FAM117A: variants seen among roughly 807,000 people sequenced by gnomAD.
FAM117A encodes the protein protein FAM117A.
FAM117A carries 21 observed loss-of-function variants against 44.1 expected under a neutral mutation model. That is an observed-to-expected ratio of 0.48 (90% confidence interval 0.34 to 0.69). The LOEUF (loss-of-function observed/expected upper bound fraction) is 0.69, where lower values mean the gene tolerates loss of function less well. Ranked by LOEUF, FAM117A falls within the 30% of genes least tolerant of loss-of-function variation. The probability of loss-of-function intolerance (pLI) is 0.01; values close to 1 mark genes in which losing one functional copy is unlikely to be tolerated. For synonymous variants in FAM117A, 220 were observed against 238.3 expected (o/e 0.92, Z 0.71); for missense variants, 498 against 589.9 (o/e 0.84, Z 1.61).
intron 7 of FAM117A, among the ~76,000 whole-genome samples, chr17:49,715,710 T>TA (rs1417105988): frequency 1.3e-5 from 2 of 152,174 alleles, no homozygotes; most frequent in African/African-American, 4.8e-5. Context: ...CTCAAACTGT[T>TA]AAGCTGTTTA....
At chr17:49,713,377 A>C (rs562443270) in intron 7 of FAM117A, among the ~76,000 whole-genome samples, 73 of 152,334 alleles carry the variant, frequency 4.8e-4, no homozygotes, top group Non-Finnish European at 9.1e-4. Flanking sequence ...TGAGAAGACA[A>C]AGGTATGGGA....
chr17:49,733,489 A>G (rs1248732933), intron 1 of FAM117A, among the ~76,000 whole-genome samples: 1 of 151,780 alleles, frequency 6.6e-6, no homozygotes, highest in Non-Finnish European at 1.5e-5. Context: ...CCTGGCTAAC[A>G]TGGTGAAACC....
intron 1 of FAM117A, among the ~76,000 whole-genome samples, chr17:49,786,390 C>G (rs943501205): frequency 6.6e-6 from 1 of 152,180 alleles, no homozygotes; most frequent in African/African-American, 2.4e-5. Context: ...CATCTCTGAG[C>G]GCTATACATT....
At chr17:49,765,039 A>G (rs1316618435), upstream of FAM117A, among the ~76,000 whole-genome samples, 14 of 152,234 alleles carry the variant, frequency 9.2e-5, no homozygotes, top group Admixed American at 9.2e-4. Context: ...TCTCTGACTT[A>G]CAAGTCAGAA....
At chr17:49,763,805 A>C (rs1598035187) in intron 1 of FAM117A, 87 bp downstream of exon 1, 10 of 304,644 alleles carry the variant, frequency 3.3e-5, no homozygotes, top group African/African-American at 1.8e-4. Flanking sequence ...CTTTCCCCTC[A>C]CACTTCTCCC....
intron 5 of FAM117A, 108 bp downstream of exon 5, chr17:49,719,652 G>A (rs2073523746): frequency 7.6e-7 from 1 of 1,316,854 alleles, no homozygotes; most frequent in African/African-American, 1.5e-5. Context: ...GCTGCTGTTT[G>A]CGTAGCCATA....
intron 1 of FAM117A, among the ~76,000 whole-genome samples, chr17:49,747,736 C>T (rs1388130311): frequency 2.6e-5 from 4 of 152,246 alleles, no homozygotes; most frequent in Admixed American, 6.6e-5. Flanking sequence ...GTTCCCTGCC[C>T]GGGCCCTGAT....
At chr17:49,777,062 T>G (rs998639407) in intron 1 of FAM117A, among the ~76,000 whole-genome samples, 1 of 152,226 alleles carries the variant, frequency 6.6e-6, no homozygotes, top group Non-Finnish European at 1.5e-5. Context: ...CTGCATCGCC[T>G]GCCCAGCCTG....
At chr17:49,738,734 T>C (rs538583056) in intron 1 of FAM117A, among the ~76,000 whole-genome samples, 1 of 152,232 alleles carries the variant, frequency 6.6e-6, no homozygotes, top group African/African-American at 2.4e-5. Flanking sequence ...ATTCTTGGCA[T>C]GTCCCAGCTC....
intron 1 of FAM117A, among the ~76,000 whole-genome samples, chr17:49,749,438 A>G (rs940400129): frequency 2.0e-5 from 3 of 151,702 alleles, no homozygotes; most frequent in East Asian, 1.9e-4. Flanking sequence ...TTAGCCGGGC[A>G]TGGTGGCACG....
At chr17:49,750,740 C>A (rs897659138) in intron 1 of FAM117A, among the ~76,000 whole-genome samples, 2 of 152,128 alleles carry the variant, frequency 1.3e-5, no homozygotes, top group Non-Finnish European at 2.9e-5. Context: ...TGTGCCACTG[C>A]ACTCCAGCCT....
At chr17:49,788,051 T>C (rs1030299100) in intron 1 of FAM117A, among the ~76,000 whole-genome samples, 1 of 152,212 alleles carries the variant, frequency 6.6e-6, no homozygotes, top group African/African-American at 2.4e-5. Flanking sequence ...TTGGGAATTA[T>C]TTGACCTGCA....
At position 49,732,659 on chromosome 17, in the gene FAM117A, G is replaced by T. The variant is rs748776433; in HGVS notation, c.258C>A (p.Val86=). 1.2e-6 allele frequency: 2 copies of T among 1,614,062 alleles called. No individual in the cohort carries two copies. Among genetic ancestry groups the T allele is most frequent in the South Asian group, 2.2e-5 (2 of 91,070 alleles). The change falls in exon 2 of 8, where the codon GTC becomes GTA. Residue 86 remains valine (V), a synonymous_variant. Coordinates refer to ENST00000240364, the MANE Select transcript of FAM117A (RefSeq NM_030802.4). ...KSVCRPQPLQ[V]RRTFSLDTIL... is the part of the protein sequence containing the mutation. The stretch of plus-strand genomic sequence containing the variant: ...TGGTGTCCAGGGAGAATGTACGCCG[G>T]ACCTGAAGTGGCTGAGGCCTACACA...
intron 3 of FAM117A, among the ~76,000 whole-genome samples, chr17:49,721,216 C>T (rs1370394999): frequency 6.6e-6 from 1 of 152,214 alleles, no homozygotes; most frequent in Non-Finnish European, 1.5e-5. Context: ...CCTGAGACTA[C>T]TACAGATTAT....
At chr17:49,721,287 C>T (rs1191369690) in intron 3 of FAM117A, among the ~76,000 whole-genome samples, 1 of 152,172 alleles carries the variant, frequency 6.6e-6, no homozygotes, top group Non-Finnish European at 1.5e-5. Flanking sequence ...TTGCCCTCAA[C>T]TGGAAAATGC....
At chr17:49,757,529 G>A (rs1230976715) in intron 1 of FAM117A, among the ~76,000 whole-genome samples, 1 of 152,162 alleles carries the variant, frequency 6.6e-6, no homozygotes, top group Non-Finnish European at 1.5e-5. Context: ...AAACCAGGAG[G>A]TTTGGTGGGG....
At chr17:49,745,030 A>C (rs914681559) in intron 1 of FAM117A, among the ~76,000 whole-genome samples, 5 of 151,208 alleles carry the variant, frequency 3.3e-5, no homozygotes, top group Non-Finnish European at 5.9e-5. Context: ...AAAAAAAAAA[A>C]AAACACACAC....
intron 1 of FAM117A, among the ~76,000 whole-genome samples, chr17:49,770,348 A>G (rs2073757406): frequency 6.6e-6 from 1 of 151,866 alleles, no homozygotes; most frequent in Admixed American, 6.6e-5. Context: ...GATATTTGCT[A>G]TAGCATGAAT....
Position 49,719,745 on chromosome 17 carries a change from G to C in FAM117A, c.708+15C>G. ...CACGGACTGTGGGTGCACTCAGGGT[G>C]CAGCCGCCACTCACCCTCAGCAGCT... On this transcript the variant is annotated intron_variant, in intron 5 of 7. Transcript: ENST00000240364. 1 of 1,553,946 alleles carries C rather than the reference G, an allele frequency of 6.4e-7. No homozygotes were observed. The highest frequency in any genetic ancestry group is 8.7e-7 in the Non-Finnish European group (1 of 1,153,686).
Sources: gnomAD v4.1 joint callset for allele counts (sites outside exome capture counted in the v4.1 genomes callset) on GRCh38, gnomAD v4.1.1 for gene constraint, MANE v1.5 for transcripts, NCBI Gene and HGNC (gene_info 2026-07-23, HGNC 2026-07-21) for gene names.